The following SLC30A10 variants were observed in gnomAD, a reference collection of about 807,000 sequenced individuals.
SLC30A10 encodes the protein solute carrier family 30 member 10, also known as calcium/manganese antiporter SLC30A10.
A neutral mutation model predicts 21.7 loss-of-function variants in SLC30A10; 8 were observed. That is an observed-to-expected ratio of 0.37 (90% CI 0.22 to 0.67). The LOEUF (loss-of-function observed/expected upper bound fraction) is 0.67, where lower values mean the gene tolerates loss of function less well. Among genes scored for constraint, SLC30A10 ranks in the 30% least tolerant of loss-of-function variants. The pLI is 0.58. For missense variants in SLC30A10, 521 were observed against 642.5 expected, an observed-to-expected ratio of 0.81 and a Z score of 2.04; for synonymous variants, 272 against 279.4, an observed-to-expected ratio of 0.97 and a Z score of 0.26.
At chr1:219,934,962 G>T (rs532314596) in intron 1 of SLC30A10, among the ~76,000 whole-genome samples, 1 of 152,284 alleles carries the variant, frequency 6.6e-6, no homozygotes, top group Non-Finnish European at 1.5e-5. Context: ...AATGAAAGGG[G>T]TTATGGCTAC....
intron 1 of SLC30A10, among the ~76,000 whole-genome samples, chr1:219,934,941 G>A (rs1393712182): frequency 6.6e-6 from 1 of 152,174 alleles, no homozygotes; most frequent in Non-Finnish European, 1.5e-5. Context: ...AAGGGTAAGT[G>A]AAAACACGAA....
At chr1:219,936,260 A>T (rs963113839) in intron 1 of SLC30A10, among the ~76,000 whole-genome samples, 2 of 152,232 alleles carry the variant, frequency 1.3e-5, no homozygotes, top group Non-Finnish European at 2.9e-5. Flanking sequence ...GTTGATTTGA[A>T]TATCAAATAA....
At position 219,928,548 on chromosome 1, in the gene SLC30A10, C is replaced by T. The variant is rs1659908140; in HGVS notation, c.-108G>A. On this transcript the variant is annotated 5_prime_UTR_variant, in exon 1 of 4. Coordinates refer to ENST00000366926, the MANE Select transcript of SLC30A10 (RefSeq NM_018713.3). The surrounding 1 kb of genome is among the most constrained non-coding windows in gnomAD (Gnocchi z 6.3). ...CGGATCCGTGAGGCCCGGTACCCGC[C>T]TCCCAGATTGTCTCGCCGGCCCTGC... 6.4e-6 allele frequency: 7 copies of T among 1,086,428 alleles called. No individual in the cohort carries two copies. In the South Asian group the frequency reaches 1.1e-4, roughly 18 times the overall value. 67.3% of individuals were successfully genotyped at this position (1,086,428 alleles called of 1,614,324 possible).
At chr1:219,956,406 T>A (rs995301831) in intron 1 of SLC30A10, among the ~76,000 whole-genome samples, 3 of 152,068 alleles carry the variant, frequency 2.0e-5, no homozygotes, top group South Asian at 2.1e-4. Flanking sequence ...AGAACATGGA[T>A]CTTAAAGCGT....
At chr1:219,933,887 CA>C (rs201745877) in intron 1 of SLC30A10, among the ~76,000 whole-genome samples, 9,114 of 152,202 alleles carry the variant, frequency 0.06, 906 homozygotes, top group African/African-American at 0.21. Flanking sequence ...CGCAGTGACT[CA>C]ACGCCTGTAA....
intron 1 of SLC30A10, among the ~76,000 whole-genome samples, chr1:219,941,545 CTTCT>C (rs1660121548): frequency 1.7e-5 from 1 of 59,678 alleles, no homozygotes; most frequent in Non-Finnish European, 3.3e-5. Context: ...TCCTTCCTTC[CTTCT>C]TTCCTTCCTT....
chr1:219,956,972 T>C (rs574719746), intron 1 of SLC30A10, among the ~76,000 whole-genome samples: 2 of 152,322 alleles, frequency 1.3e-5, no homozygotes, highest in South Asian at 2.1e-4. Context: ...AAAAATATAA[T>C]GGTAATGTCA....
chr1:219,956,586 G>A lies in SLC30A10; in HGVS notation n.80+1982C>T, dbSNP rs116826455. ...CCCAGTGCTTTGGGAGGCCAAGCAG[G>A]TGGATCACTTGAGCTCAAGAGTTCG... On this transcript the variant is annotated intron_variant and non_coding_transcript_variant, in intron 1 of 8. Coordinates refer to the SLC30A10 transcript ENST00000484239. Among the ~76,000 whole-genome samples, 530 of 151,880 alleles carry A rather than the reference G, an allele frequency of 3.5e-3. 5 individuals carry two copies. The highest frequency in any genetic ancestry group is 0.013 in the African/African-American group (517 of 41,358).
chr1:219,940,237 A>G (rs1217926558), intron 1 of SLC30A10, among the ~76,000 whole-genome samples: 3 of 152,200 alleles, frequency 2.0e-5, no homozygotes, highest in Non-Finnish European at 4.4e-5. Flanking sequence ...AAGGAAGCCA[A>G]GACGCAAGGA....
intron 1 of SLC30A10, among the ~76,000 whole-genome samples, chr1:219,938,553 C>T (rs1352418717): frequency 6.6e-6 from 1 of 152,142 alleles, no homozygotes; most frequent in African/African-American, 2.4e-5. Context: ...TGGAGGGAGG[C>T]CTGGGACTGG....
intron 1 of SLC30A10, 123 bp from the exon 2 acceptor site, chr1:219,927,228 G>A: frequency 1.1e-6 from 1 of 932,396 alleles, no homozygotes; most frequent in Non-Finnish European, 1.7e-6. Flanking sequence ...AGACCCTTCT[G>A]CACACCCACA....
At chr1:219,941,524 T>C in intron 1 of SLC30A10, among the ~76,000 whole-genome samples, 1 of 135,622 alleles carries the variant, frequency 7.4e-6, no homozygotes, top group South Asian at 2.5e-4. Context: ...TGCCTTCCTC[T>C]CTTCTTCCCT....
rs1659580195 is a variant in SLC30A10, at chr1:219,917,756, C to T, written c.958+499G>A. 2.7e-5 allele frequency among the ~76,000 whole-genome samples: 4 copies of T among 146,008 alleles called. No homozygotes were observed. In the Admixed American group the frequency reaches 2.8e-4, roughly 10 times the overall value. ...GTCAGAGTCTCACTCTGTCACCCAG[C>T]CTGGAGTGCAGTGGTGCAATCTCAG... On this transcript the variant is annotated intron_variant, in intron 3 of 3. Coordinates refer to ENST00000366926, the MANE Select transcript of SLC30A10 (RefSeq NM_018713.3).
chr1:219,929,885 C>A (rs1045964958), upstream of SLC30A10, among the ~76,000 whole-genome samples: 2 of 152,120 alleles, frequency 1.3e-5, no homozygotes, highest in African/African-American at 2.4e-5. Context: ...TAACTGTCTC[C>A]AGGACTCTGG....
At chr1:219,943,031 C>T (rs990139402) in intron 1 of SLC30A10, among the ~76,000 whole-genome samples, 1 of 151,968 alleles carries the variant, frequency 6.6e-6, no homozygotes, top group South Asian at 2.1e-4. Flanking sequence ...AGTGACAGAG[C>T]AAGACTCTGT....
At chr1:219,953,229 A>C (rs1660293037) in intron 1 of SLC30A10, among the ~76,000 whole-genome samples, 1 of 152,204 alleles carries the variant, frequency 6.6e-6, no homozygotes, top group African/African-American at 2.4e-5. Flanking sequence ...CCCAATCATT[A>C]CCATTCTGCC....
Position 219,915,110 on chromosome 1 carries a change from A to C in SLC30A10, c.*339T>G, listed in dbSNP as rs1659501636. The C allele has an allele frequency of 4.0e-6, 1 of 250,456 alleles. No homozygotes were observed. Among genetic ancestry groups the C allele is most frequent in the African/African-American group, 2.2e-5 (1 of 44,754 alleles). 15.5% of individuals were successfully genotyped at this position (250,456 alleles called of 1,614,324 possible). A position where few individuals can be genotyped will look rare whatever the true frequency, so the allele number is the denominator to read the frequency against. On this transcript the variant is annotated 3_prime_UTR_variant, in exon 4 of 4. Transcript: ENST00000366926. ...TAGAAGTTCTAATCAGTTTAGAAAC[A>C]AGAACTTCTTTGAACACTGTATCCG... is the stretch of plus-strand genomic sequence containing the variant.
At chr1:219,928,633 A>C (rs1391436874), upstream of SLC30A10, 18 of 518,416 alleles carry the variant, frequency 3.5e-5, no homozygotes, top group East Asian at 7.2e-5. The surrounding 1 kb of genome is among the most constrained non-coding windows in gnomAD (Gnocchi z 6.3). Flanking sequence ...CCAGAGTCTA[A>C]AGGAGTGGCG....
At chr1:219,956,062 G>A (rs187898242) in intron 1 of SLC30A10, among the ~76,000 whole-genome samples, 2 of 152,306 alleles carry the variant, frequency 1.3e-5, no homozygotes, top group Non-Finnish European at 2.9e-5. Context: ...ATACCAAAAT[G>A]TATGGTTCAG....
Sources: allele counts gnomAD v4.1 joint callset (sites outside exome capture counted in the v4.1 genomes callset), GRCh38; gene constraint gnomAD v4.1.1; non-coding constraint Gnocchi (gnomAD v3.1); transcripts MANE v1.5; gene names NCBI Gene and HGNC (gene_info 2026-07-23, HGNC 2026-07-21).